Variants in LTA4H observed in about 807,000 individuals in gnomAD.
LTA4H encodes the protein leukotriene A-4 hydrolase.
In LTA4H, 59 loss-of-function variants were observed where a neutral mutation model predicts 89.8. That is an observed-to-expected ratio of 0.66 (90% CI 0.53 to 0.82). LTA4H has a LOEUF of 0.82. Among genes scored for constraint, LTA4H ranks in the 40% least tolerant of loss-of-function variants. The probability of loss-of-function intolerance (pLI) is 0.00; values close to 1 mark genes in which losing one functional copy is unlikely to be tolerated. For synonymous variants in LTA4H, 227 were observed against 253.1 expected (o/e 0.90, Z 0.98); for missense variants, 617 against 727.0 (o/e 0.85, Z 1.74).
chr12:96,017,728 T>C (rs749475282), intron 8 of LTA4H, 148 bp from the exon 9 acceptor site: 15 of 484,038 alleles, frequency 3.1e-5, no homozygotes, highest in Non-Finnish European at 5.2e-5. Context: ...GAGACCTTAA[T>C]TGAAAAAACA....
chr12:96,004,736 G>A (rs1019654514), intron 16 of LTA4H, among the ~76,000 whole-genome samples: 11 of 152,036 alleles, frequency 7.2e-5, no homozygotes, highest in Non-Finnish European at 1.5e-4. Flanking sequence ...TAATCCTGTC[G>A]CTAATAATTT....
intron 11 of LTA4H, 87 bp downstream of exon 11, chr12:96,015,496 T>A: frequency 1.1e-6 from 1 of 913,808 alleles, no homozygotes; most frequent in South Asian, 1.4e-5. Flanking sequence ...TTTTGGTTGC[T>A]ACACAGTAAA....
chr12:96,028,363 G>A (rs1271187189), intron 2 of LTA4H, among the ~76,000 whole-genome samples: 1 of 152,126 alleles, frequency 6.6e-6, no homozygotes. Flanking sequence ...AGACTTAAGT[G>A]TTTCCCTTCT....
At chr12:96,015,791 G>A (rs879140631) in intron 10 of LTA4H, 97 bp from the exon 11 acceptor site, 1 of 806,078 alleles carries the variant, frequency 1.2e-6, no homozygotes, top group African/African-American at 1.7e-5. Context: ...ACAGAGGAAA[G>A]CAGTTGTAAG....
chr12:96,026,858 A>C (rs1223609014), intron 3 of LTA4H, among the ~76,000 whole-genome samples: 1 of 152,216 alleles, frequency 6.6e-6, no homozygotes, highest in Non-Finnish European at 1.5e-5. Flanking sequence ...TCCTTGTGAC[A>C]GGTTATCTCT....
In LTA4H at chr12:96,014,967, G is replaced by A. The variant is rs1950354638; in HGVS notation, c.1092C>T (p.Thr364=). ...VKTFGETHPF[T]KLVVDLTDID... is the part of the protein sequence containing the mutation. Reference sequence around the variant, plus strand: ...TATCTGTCAGATCAACCACAAGTTTGGTGAAAGGATGTGTCTCCCCAAATG... The same window carrying A: ...TATCTGTCAGATCAACCACAAGTTTAGTGAAAGGATGTGTCTCCCCAAATG... Residue 364 remains threonine (T), a synonymous_variant, in exon 12 of 19, where the codon ACC becomes ACT. Transcript: ENST00000228740. 1 of 1,612,796 alleles carries A rather than the reference G, an allele frequency of 6.2e-7. No homozygotes were observed. The highest frequency in any genetic ancestry group is 8.5e-7 in the Non-Finnish European group (1 of 1,179,648).
intron 17 of LTA4H, among the ~76,000 whole-genome samples, chr12:96,003,330 T>C (rs902973416): frequency 6.6e-6 from 1 of 152,192 alleles, no homozygotes; most frequent in African/African-American, 2.4e-5. Flanking sequence ...CTCACATACC[T>C]TATAAATCCA....
chr12:96,027,562 T>A lies in LTA4H; in HGVS notation c.293A>T (p.Asn98Ile). ...AGAAATTTCTATAACAATTTCTTGA[T>A]TTCTGTATGAAACACATAAATATAT... ...EISLPIALSK[N>I]QEIVIEISFE... Residue 98 changes from asparagine to isoleucine, a missense_variant and splice_region_variant, in exon 3 of 19, where the codon AAT (asparagine) becomes ATT (isoleucine). Physicochemically the swap from Asn to Ile is moderately radical, Grantham distance 149. This residue lies in a region of LTA4H where 155 missense variants were observed against 143.3 expected (regional missense o/e 1.08). Transcript: ENST00000228740. 6.4e-7 allele frequency: 1 copy of A among 1,571,432 alleles called. No homozygotes were observed. Among genetic ancestry groups the A allele is most frequent in the Non-Finnish European group, 8.7e-7 (1 of 1,146,014 alleles).
At chr12:96,019,121 A>G in intron 7 of LTA4H, 47 bp downstream of exon 7, 1 of 1,523,712 alleles carries the variant, frequency 6.6e-7, no homozygotes, top group African/African-American at 1.4e-5. Flanking sequence ...AAAATCTTCA[A>G]TCTACTGTCT....
chr12:96,007,819 GT>G lies in LTA4H; in HGVS notation c.1434+1274del, dbSNP rs1181255952. Among the ~76,000 whole-genome samples the G allele has an allele frequency of 2.6e-5, 4 of 152,200 alleles. No homozygotes were observed. The East Asian group carries it at 7.7e-4, about 29-fold the overall frequency. On this transcript the variant is annotated intron_variant, in intron 15 of 18. Transcript: ENST00000228740. ...CAGAGAATTTTAATACACTCACACT[GT>G]TAAAAAATCCTGTTTCCCATAGAAA...
chr12:96,003,131 T>A (rs1950136057), intron 17 of LTA4H, 67 bp from the exon 18 acceptor site: 1 of 970,620 alleles, frequency 1.0e-6, no homozygotes, highest in Non-Finnish European at 1.6e-6. Flanking sequence ...GACAGGTATA[T>A]CTTAATATTA....
chr12:96,006,559 A>C (rs1273182845), intron 15 of LTA4H, 150 bp from the exon 16 acceptor site: 2 of 526,432 alleles, frequency 3.8e-6, no homozygotes, highest in African/African-American at 3.9e-5. Flanking sequence ...TACTTAAATA[A>C]TCCTGAGATT....
intron 1 of LTA4H, among the ~76,000 whole-genome samples, chr12:96,041,931 G>A (rs1051577656): frequency 1.3e-5 from 2 of 151,300 alleles, no homozygotes; most frequent in Non-Finnish European, 1.5e-5. Context: ...GTGAGCCACC[G>A]CGCCTGGCCA....
chr12:96,013,253 A>G lies in LTA4H; in HGVS notation c.1314T>C (p.Asp438=), dbSNP rs1174166370. Residue 438 remains aspartate, a synonymous_variant, in exon 14 of 19, where the codon GAT becomes GAC. Coordinates refer to ENST00000228740, the MANE Select transcript of LTA4H (RefSeq NM_000895.3). ...FLYSYFKDKV[D]VLNQVDWNAW... is the part of the protein sequence containing the mutation. ...CATTCCAATCAACTTGATTGAGAAC[A>G]TCAACCTATGAATAGTAAGAATTCA... is the stretch of plus-strand genomic sequence containing the variant. 15 of 1,611,414 alleles carry G rather than the reference A, an allele frequency of 9.3e-6. No homozygotes were observed. Among genetic ancestry groups the G allele is most frequent in the African/African-American group, 1.3e-5 (1 of 74,884 alleles).
chr12:96,020,333 C>T (rs977556924), intron 6 of LTA4H, among the ~76,000 whole-genome samples: 35 of 152,202 alleles, frequency 2.3e-4, no homozygotes, highest in Admixed American at 1.1e-3. Flanking sequence ...GTGGATAAAC[C>T]TTAAGGGCAT....
At chr12:96,006,059 T>A (rs1345134846) in intron 16 of LTA4H, among the ~76,000 whole-genome samples, 1 of 152,168 alleles carries the variant, frequency 6.6e-6, no homozygotes, top group Non-Finnish European at 1.5e-5. Context: ...ATTGCTAAAT[T>A]TTGCATGTGT....
intron 10 of LTA4H, among the ~76,000 whole-genome samples, chr12:96,016,603 A>G (rs879404169): frequency 6.6e-6 from 1 of 150,574 alleles, no homozygotes; most frequent in South Asian, 2.1e-4. Context: ...CTTGTCTCCA[A>G]TTAAAAAAAA....
upstream of LTA4H, among the ~76,000 whole-genome samples, chr12:96,036,036 T>C (rs34648514): frequency 6.6e-6 from 1 of 152,182 alleles, no homozygotes; most frequent in Non-Finnish European, 1.5e-5. Context: ...GTTAGTATAG[T>C]GGTGAGTATC....
intron 11 of LTA4H, 152 bp from the exon 12 acceptor site, chr12:96,015,151 C>T (rs1950358054): frequency 8.4e-6 from 5 of 594,984 alleles, no homozygotes; most frequent in Non-Finnish European, 1.4e-5. Context: ...TTGGCATAAA[C>T]TTCTGGAAGT....
Sources: allele counts gnomAD v4.1 joint callset (sites outside exome capture counted in the v4.1 genomes callset), GRCh38; gene constraint gnomAD v4.1.1; regional missense constraint gnomAD v4.1.1; transcripts MANE v1.5; gene names NCBI Gene and HGNC (gene_info 2026-07-23, HGNC 2026-07-21).